Variants in TAAR5 observed in about 807,000 individuals in gnomAD.
TAAR5 encodes trace amine-associated receptor 5.
TAAR5 carries 27 observed loss-of-function variants against 21.1 expected under a neutral mutation model. That is an observed-to-expected ratio of 1.28 (90% confidence interval 0.94 to 1.76). The LOEUF is 1.76. TAAR5 is among the 40% of genes most tolerant of loss of function. The probability of loss-of-function intolerance (pLI) is 0.00; values close to 1 mark genes in which losing one functional copy is unlikely to be tolerated. For missense variants in TAAR5, 495 were observed against 405.6 expected (o/e 1.22, Z -1.89); for synonymous variants, 203 against 167.5 (o/e 1.21, Z -1.64).
chr6:132,611,546 C>T, the TAAR5 span, among the ~76,000 whole-genome samples: 1 of 152,090 alleles, frequency 6.6e-6, no homozygotes, highest in South Asian at 2.1e-4. Context: ...ATCACATGTA[C>T]CCTATTAATA....
At chr6:132,612,120 T>C in the TAAR5 span, among the ~76,000 whole-genome samples, 7 of 152,152 alleles carry the variant, frequency 4.6e-5, no homozygotes, top group African/African-American at 1.4e-4. Context: ...CTGGGCCCCA[T>C]TTGAGCACAT....
At chr6:132,596,520 C>A in the TAAR5 span, among the ~76,000 whole-genome samples, 1 of 152,154 alleles carries the variant, frequency 6.6e-6, no homozygotes, top group African/African-American at 2.4e-5. Context: ...AATACAAGCA[C>A]CTTTAAAAAT....
the TAAR5 span, chr6:132,608,115 C>T: frequency 5.7e-6 from 2 of 348,662 alleles, no homozygotes; most frequent in Non-Finnish European, 1.1e-5. Context: ...GGTGATAGAA[C>T]ACTTAACGTT....
At chr6:132,590,834 T>C (rs778653225), upstream of TAAR5, among the ~76,000 whole-genome samples, 26 of 152,362 alleles carry the variant, frequency 1.7e-4, no homozygotes, top group Middle Eastern at 3.4e-3. Context: ...TTTGAAGGTA[T>C]TCTTGCCTGC....
At chr6:132,611,135 A>G in the TAAR5 span, among the ~76,000 whole-genome samples, 2 of 152,068 alleles carry the variant, frequency 1.3e-5, no homozygotes, top group Admixed American at 6.6e-5. Flanking sequence ...GTGGAACTGG[A>G]GGACAATATG....
In TAAR5 at chr6:132,588,905, T is replaced by C. The variant is rs1450937110; in HGVS notation, c.782A>G (p.Tyr261Cys). Residue 261 changes from tyrosine to cysteine, a missense_variant, in exon 1 of 1, where the codon TAC (tyrosine) becomes TGC (cysteine). By Grantham distance (194) the Tyr-to-Cys change is radical. Transcript: ENST00000258034. ...AKTLGIAVGI[Y>C]LLCWLPFTID... ...GGTGAAGGGCAGCCAGCACAAGAGG[T>C]ATATGCCCACAGCAATGCCCAGGGT... is the stretch of plus-strand genomic sequence containing the variant. 1.9e-6 allele frequency: 3 copies of C among 1,614,014 alleles called. No individual in the cohort carries two copies. The highest frequency in any genetic ancestry group is 2.5e-6 in the Non-Finnish European group (3 of 1,179,970).
the TAAR5 span, among the ~76,000 whole-genome samples, chr6:132,614,095 C>A: frequency 6.6e-6 from 1 of 152,124 alleles, no homozygotes; most frequent in Admixed American, 6.6e-5. Flanking sequence ...ATTACATGTA[C>A]AAAGAAGCAG....
At chr6:132,598,808 C>T in the TAAR5 span, among the ~76,000 whole-genome samples, 5 of 151,740 alleles carry the variant, frequency 3.3e-5, no homozygotes, top group African/African-American at 1.2e-4. Context: ...GGACTAGCCT[C>T]ACACAAGGCC....
chr6:132,611,334 C>T, the TAAR5 span, among the ~76,000 whole-genome samples: 1 of 149,662 alleles, frequency 6.7e-6, no homozygotes, highest in African/African-American at 2.5e-5. Flanking sequence ...TACAAAAATA[C>T]AGTTAGATAG....
chr6:132,612,976 A>G, the TAAR5 span, among the ~76,000 whole-genome samples: 9 of 152,300 alleles, frequency 5.9e-5, no homozygotes, highest in Non-Finnish European at 1.2e-4. Flanking sequence ...ACATATAAGT[A>G]ACTGTTCCAT....
At chr6:132,600,945 G>C in the TAAR5 span, among the ~76,000 whole-genome samples, 12 of 74,722 alleles carry the variant, frequency 1.6e-4, no homozygotes, top group African/African-American at 9.2e-4. Flanking sequence ...GGGAAGGAGG[G>C]AAAGAAAGAA....
chr6:132,588,944 C>T lies in TAAR5; in HGVS notation c.743G>A (p.Arg248Lys). 6 of 1,614,100 alleles carry T rather than the reference C, an allele frequency of 3.7e-6. No homozygotes were observed. The highest frequency in any genetic ancestry group is 5.1e-6 in the Non-Finnish European group (6 of 1,180,000). ...AATGCCCAGGGTCTTGGCAGCTTTT[C>T]TCTCATGCTTGGCAGCCCCAGCCAG... ...KSLAGAAKHE[R>K]KAAKTLGIAV... Residue 248 changes from arginine to lysine, a missense_variant, in exon 1 of 1, where the codon AGA (arginine) becomes AAA (lysine). Physicochemically the swap from Arg to Lys is conservative, Grantham distance 26 (BLOSUM62 2). Transcript: ENST00000258034.
At chr6:132,597,149 AATTT>A in the TAAR5 span, among the ~76,000 whole-genome samples, 7 of 152,212 alleles carry the variant, frequency 4.6e-5, no homozygotes, top group East Asian at 3.9e-4. Context: ...TTGTAAAGTG[AATTT>A]ATTTATTTAT....
the TAAR5 span, among the ~76,000 whole-genome samples, chr6:132,597,201 G>A: frequency 6.6e-6 from 1 of 151,894 alleles, no homozygotes; most frequent in South Asian, 2.1e-4. Flanking sequence ...ACAACTTATA[G>A]AAATTAACAG....
the TAAR5 span, among the ~76,000 whole-genome samples, chr6:132,601,978 T>C: frequency 9.2e-5 from 14 of 152,204 alleles, no homozygotes; most frequent in Non-Finnish European, 2.9e-5. Context: ...TTTGACTCTT[T>C]TTGAATTTTT....
the TAAR5 span, among the ~76,000 whole-genome samples, chr6:132,605,460 G>C: frequency 1.3e-5 from 2 of 152,100 alleles, no homozygotes; most frequent in Non-Finnish European, 2.9e-5. Context: ...ATTACTGCAC[G>C]CCTATCTAGG....
rs1258979514 is a variant in TAAR5, at chr6:132,589,210, C to G, written c.477G>C (p.Trp159Cys). ...ACGAAGTGTATGCTGCGGGCACCCC[C>G]CATCCTGCCAGGATGTACCTGAGAG... ...RVALRYILAG[W>C]GVPAAYTSLF... The change falls in exon 1 of 1, where the codon TGG (tryptophan) becomes TGC (cysteine). Residue 159 changes from tryptophan to cysteine, a missense_variant. Trp to Cys is a radical substitution (Grantham distance 215). Transcript: ENST00000258034. 2 of 1,605,256 alleles carry G rather than the reference C, an allele frequency of 1.2e-6. No individual in the cohort carries two copies. Among genetic ancestry groups the G allele is most frequent in the African/African-American group, 1.3e-5 (1 of 74,962 alleles).
At chr6:132,600,889 A>AG in the TAAR5 span, among the ~76,000 whole-genome samples, 66 of 22,892 alleles carry the variant, frequency 2.9e-3, no homozygotes, top group South Asian at 8.1e-3. Context: ...AGGAGGGAAG[A>AG]AGGGAAGGAG....
the TAAR5 span, among the ~76,000 whole-genome samples, chr6:132,609,493 C>T: frequency 1.3e-5 from 2 of 152,230 alleles, no homozygotes; most frequent in South Asian, 4.1e-4. Context: ...TGACAATTTT[C>T]AGCTGTGTAT....
Sources: gnomAD v4.1 joint callset for allele counts (sites outside exome capture counted in the v4.1 genomes callset) on GRCh38, gnomAD v4.1.1 for gene constraint, MANE v1.5 for transcripts, NCBI Gene and HGNC (gene_info 2026-07-23, HGNC 2026-07-21) for gene names.